Variants in RUSC1 observed in about 807,000 individuals in gnomAD.
RUSC1 encodes AP-4 complex accessory subunit RUSC1.
In RUSC1, 40 loss-of-function variants were observed where a neutral mutation model predicts 72.1. The ratio of observed to expected loss-of-function variants is 0.55; its 90% CI spans 0.43 to 0.72. The LOEUF (loss-of-function observed/expected upper bound fraction) is 0.72, where lower values mean the gene tolerates loss of function less well. Ranked by LOEUF, RUSC1 falls within the 30% of genes least tolerant of loss-of-function variation. RUSC1 has a pLI of 0.00. For missense variants in RUSC1, 1,092 were observed against 1,172.3 expected, an observed-to-expected ratio of 0.93 and a Z score of 1.00; for synonymous variants, 512 against 494.2, an observed-to-expected ratio of 1.04 and a Z score of -0.48.
At chr1:155,328,889 T>C (rs986850361) in intron 9 of RUSC1, among the ~76,000 whole-genome samples, 17 of 152,092 alleles carry the variant, frequency 1.1e-4, no homozygotes, top group Middle Eastern at 6.8e-3. Context: ...TGAGCCACTG[T>C]GCCCAGCCAA....
chr1:155,321,025 T>G, intron 1 of RUSC1, 34 bp downstream of exon 1: 2 of 1,485,044 alleles, frequency 1.3e-6, no homozygotes, highest in Non-Finnish European at 1.8e-6. Context: ...TGTAGACCGA[T>G]GGACCTGGGC....
chr1:155,324,958 C>G lies in RUSC1; in HGVS notation c.1456+15C>G. The stretch of plus-strand genomic sequence containing the variant: ...GCAGAAGAAAGGTAGGGCACCCTGA[C>G]TCCCGACCCCGCGCTTCCGAATAAA... On this transcript the variant is annotated intron_variant, in intron 3 of 9. Coordinates refer to ENST00000368352, the MANE Select transcript of RUSC1 (RefSeq NM_001105203.2). 2.5e-6 allele frequency: 4 copies of G among 1,614,116 alleles called. No homozygotes were observed. Among genetic ancestry groups the G allele is most frequent in the Non-Finnish European group, 3.4e-6 (4 of 1,179,974 alleles).
At position 155,325,520 on chromosome 1, in the gene RUSC1, T is replaced by G. The variant is rs1193338498; in HGVS notation, c.1708+30T>G. 6.2e-7 allele frequency: 1 copy of G among 1,603,658 alleles called. No individual in the cohort carries two copies. Among genetic ancestry groups the G allele is most frequent in the Middle Eastern group, 1.7e-4 (1 of 6,044 alleles). On this transcript the variant is annotated intron_variant, in intron 5 of 9. Transcript: ENST00000368352. This position sits in a 1 kb window ranked among gnomAD's most constrained non-coding sequence, Gnocchi z 6.5. ...GCCAGGAGGGCGTGGGACCCGGCAG[T>G]GCGCAGGGCAGGGCCGGGCTTGGCT...
chr1:155,321,171 G>T (rs1458613243), intron 1 of RUSC1, 180 bp downstream of exon 1: 7 of 1,372,818 alleles, frequency 5.1e-6, no homozygotes, highest in African/African-American at 1.5e-5. Context: ...GCTGGAGCCC[G>T]GCCGAGGCAG....
chr1:155,326,570 T>C lies in RUSC1; in HGVS notation c.1862-10T>C. On this transcript the variant is annotated splice_polypyrimidine_tract_variant and intron_variant, in intron 7 of 9. Transcript: ENST00000368352. This position sits in a 1 kb window ranked among gnomAD's most constrained non-coding sequence, Gnocchi z 4.7. ...AGGGCAGGAGCTGATGTTGGCCTGC[T>C]CTTTTCCAGGCCTGCTCTCCCTCCT... The C allele has an allele frequency of 6.3e-7, 1 of 1,597,566 alleles. No individual in the cohort carries two copies.
rs1375483603 is a variant in RUSC1, at chr1:155,322,024, G to A, written c.251G>A (p.Arg84Gln). ...GAGCACGGTCCGGGCCTAGAAAACC[G>A]GCAGGACCCGTCACAGGAGGAAGAG... Reference protein sequence around the residue: ...CQEHGPGLENRQDPSQEEEGA... With the variant: ...CQEHGPGLENQQDPSQEEEGA... The change falls in exon 2 of 10, where the codon CGG becomes CAG. Residue 84 changes from arginine to glutamine, a missense_variant. Transcript: ENST00000368352. The A allele has an allele frequency of 3.1e-6, 5 of 1,610,290 alleles. No individual in the cohort carries two copies. Among genetic ancestry groups the A allele is most frequent in the South Asian group, 2.2e-5 (2 of 90,604 alleles).
At position 155,321,943 on chromosome 1, in the gene RUSC1, G is replaced by T. The variant is rs757131184; in HGVS notation, c.170G>T (p.Gly57Val). Residue 57 changes from glycine (G) to valine (V), a missense_variant, in exon 2 of 10, where the codon GGC becomes GTC. By Grantham distance (109) the Gly-to-Val change is moderately radical (BLOSUM62 -3). Transcript: ENST00000368352. Reference sequence around the variant, plus strand: ...AAGGAGAGCAGGGGCCCCTGCAGTGGCACCCTGGTGGACGCCAATTCCAAC... The same window carrying T: ...AAGGAGAGCAGGGGCCCCTGCAGTGTCACCCTGGTGGACGCCAATTCCAAC... ...GGKESRGPCS[G>V]TLVDANSNSP... 8.7e-6 allele frequency: 14 copies of T among 1,602,314 alleles called. No homozygotes were observed. The highest frequency in any genetic ancestry group is 1.2e-5 in the Non-Finnish European group (14 of 1,174,408).
At position 155,326,757 on chromosome 1, in the gene RUSC1, C is replaced by T; in HGVS notation, c.2039C>T (p.Ala680Val). 1 of 1,613,068 alleles carries T rather than the reference C, an allele frequency of 6.2e-7. No homozygotes were observed. The highest frequency in any genetic ancestry group is 2.2e-5 in the East Asian group (1 of 44,890). The change falls in exon 8 of 10, where the codon GCC (alanine) becomes GTC (valine). Residue 680 changes from alanine to valine, a missense_variant. By Grantham distance (64) the Ala-to-Val change is moderately conservative. Transcript: ENST00000368352. The surrounding 1 kb of genome is among the most constrained non-coding windows in gnomAD (Gnocchi z 4.7). ...HLPLGPPQAP[A>V]PPGPPPALQQ... The stretch of plus-strand genomic sequence containing the variant: ...CCCCTGGGCCCACCTCAGGCCCCTG[C>T]CCCTCCAGGCCCACCTCCAGCTCTG...
Position 155,325,094 on chromosome 1 carries a change from C to T in RUSC1, c.1457-8C>T, listed in dbSNP as rs371098023. On this transcript the variant is annotated splice_region_variant and splice_polypyrimidine_tract_variant and intron_variant, in intron 3 of 9. Coordinates refer to ENST00000368352, the MANE Select transcript of RUSC1 (RefSeq NM_001105203.2). This position sits in a 1 kb window ranked among gnomAD's most constrained non-coding sequence, Gnocchi z 6.5. Reference sequence around the variant, plus strand: ...CTCCTAGCGTCTTCCCTTTCCCACTCCTCCCAGGTCTTCTGATAGCCGTCA... The same window carrying T: ...CTCCTAGCGTCTTCCCTTTCCCACTTCTCCCAGGTCTTCTGATAGCCGTCA... 7 of 1,614,148 alleles carry T rather than the reference C, an allele frequency of 4.3e-6. No individual in the cohort carries two copies. In the Admixed American group the frequency reaches 6.7e-5, roughly 15 times the overall value.
rs1651232699 is a variant in RUSC1, at chr1:155,325,351, G to A, written c.1569G>A (p.Val523=). ...GTGATAGCCGGCTGAGCCCGGATGT[G>A]GGGCACCTGGTGCTGACCACCCTCT... ...QLGDSRLSPD[V]GHLVLTTLCP... is the part of the protein sequence containing the mutation. The change falls in exon 5 of 10, where the codon GTG becomes GTA. Residue 523 remains valine, a synonymous_variant. Transcript: ENST00000368352. The surrounding 1 kb of genome is among the most constrained non-coding windows in gnomAD (Gnocchi z 6.5). The A allele has an allele frequency of 1.3e-6, 2 of 1,599,020 alleles. No individual in the cohort carries two copies. Among genetic ancestry groups the A allele is most frequent in the Non-Finnish European group, 8.5e-7 (1 of 1,177,148 alleles).
chr1:155,320,979 C>T lies in RUSC1; in HGVS notation c.-99C>T, dbSNP rs934312868. ...GACAAGCCCAAGGCCGGAGCGGTTC[C>T]AGGAGGACCCTGGTGAGGAGGGCTC... On this transcript the variant is annotated 5_prime_UTR_variant, in exon 1 of 10. Transcript: ENST00000368352. 2.0e-6 allele frequency: 3 copies of T among 1,535,834 alleles called. No individual in the cohort carries two copies. The highest frequency in any genetic ancestry group is 3.6e-4 in the Middle Eastern group (2 of 5,604).
At position 155,325,558 on chromosome 1, in the gene RUSC1, C is replaced by T. The variant is rs1216575557; in HGVS notation, c.1709-9C>T. 7.5e-6 allele frequency: 12 copies of T among 1,608,642 alleles called. No individual in the cohort carries two copies. In the South Asian group the frequency reaches 1.1e-4, roughly 15 times the overall value. On this transcript the variant is annotated splice_polypyrimidine_tract_variant and intron_variant, in intron 5 of 9. Transcript: ENST00000368352. This position sits in a 1 kb window ranked among gnomAD's most constrained non-coding sequence, Gnocchi z 6.5. Reference sequence around the variant, plus strand: ...GCCGGGCTTGGCTGACTGCACCCCACGTTCTCAGGCTCCAGCACCCGCTCC... The same window carrying T: ...GCCGGGCTTGGCTGACTGCACCCCATGTTCTCAGGCTCCAGCACCCGCTCC...
chr1:155,324,749 G>A, intron 2 of RUSC1, 96 bp from the exon 3 acceptor site: 1 of 1,601,304 alleles, frequency 6.2e-7, no homozygotes, highest in Non-Finnish European at 8.5e-7. Flanking sequence ...CGGGGACACA[G>A]CACTGCAGAC....
At position 155,322,718 on chromosome 1, in the gene RUSC1, C is replaced by T; in HGVS notation, c.945C>T (p.Ser315=). 3 of 1,614,242 alleles carry T rather than the reference C, an allele frequency of 1.9e-6. No homozygotes were observed. The highest frequency in any genetic ancestry group is 2.5e-6 in the Non-Finnish European group (3 of 1,180,044). The part of the protein sequence containing the change: ...EEPVPHRTIT[S]FHELAQKRKR... ...CGGTGCCCCACCGGACAATCACGTC[C>T]TTCCACGAGCTGGCCCAGAAGCGCA... The change falls in exon 2 of 10, where the codon TCC becomes TCT. Residue 315 remains serine, a synonymous_variant. Coordinates refer to ENST00000368352, the MANE Select transcript of RUSC1 (RefSeq NM_001105203.2).
rs773200028 is a variant in RUSC1, at chr1:155,321,731, A to C, written c.-43A>C. 33 of 1,609,734 alleles carry C rather than the reference A, an allele frequency of 2.1e-5. 1 individual carries two copies. The South Asian group carries it at 3.5e-4, about 17-fold the overall frequency. On this transcript the variant is annotated 5_prime_UTR_variant, in exon 2 of 10. Coordinates refer to ENST00000368352, the MANE Select transcript of RUSC1 (RefSeq NM_001105203.2). ...CAGGTAGGTGGATGTGAGAGACCCTACCCTTCTGGTTCTCTAGAAGCCATC... is the reference window on the plus strand; with the variant it reads ...CAGGTAGGTGGATGTGAGAGACCCTCCCCTTCTGGTTCTCTAGAAGCCATC...
At position 155,321,856 on chromosome 1, in the gene RUSC1, G is replaced by A. The variant is rs1162572957; in HGVS notation, c.83G>A (p.Arg28His). Residue 28 changes from arginine to histidine, a missense_variant, in exon 2 of 10, where the codon CGC (arginine) becomes CAC (histidine). Transcript: ENST00000368352. ...GTCTCCCTGGGCCTGCACTTGTCCCGCCGTCCTGAGCTACAGGAGGGGCCT... is the reference window on the plus strand; with the variant it reads ...GTCTCCCTGGGCCTGCACTTGTCCCACCGTCCTGAGCTACAGGAGGGGCCT... Reference protein sequence around the residue: ...QHVSLGLHLSRRPELQEGPLS... With the variant: ...QHVSLGLHLSHRPELQEGPLS... 1 of 1,613,620 alleles carries A rather than the reference G, an allele frequency of 6.2e-7. No homozygotes were observed. The highest frequency in any genetic ancestry group is 1.7e-5 in the Admixed American group (1 of 60,008).
Position 155,324,950 on chromosome 1 carries a change from C to T in RUSC1, c.1456+7C>T, listed in dbSNP as rs781680156. The T allele has an allele frequency of 3.7e-6, 6 of 1,614,150 alleles. No individual in the cohort carries two copies. Among genetic ancestry groups the T allele is most frequent in the Non-Finnish European group, 4.2e-6 (5 of 1,180,008 alleles). On this transcript the variant is annotated splice_region_variant and intron_variant, in intron 3 of 9. Transcript: ENST00000368352. ...CTGCAGGAGCAGAAGAAAGGTAGGG[C>T]ACCCTGACTCCCGACCCCGCGCTTC...
rs1558002293 is a variant in RUSC1, at chr1:155,330,462, GTGGGGAAGTGC to G, written c.2603_2613del (p.Gly868AlafsTer8). On this transcript the variant is annotated frameshift_variant, in exon 10 of 10. Transcript: ENST00000368352. LOFTEE classifies it high-confidence loss of function. ...AGACCTGACCAGTTGAGCTTCCGGCGTGGGGAAGTGCTGCGTGTCATCACCACAGTGGATGA... is the reference window on the plus strand; with the variant it reads ...AGACCTGACCAGTTGAGCTTCCGGCGTGCGTGTCATCACCACAGTGGATGA... 1 of 1,613,786 alleles carries G rather than the reference GTGGGGAAGTGC, an allele frequency of 6.2e-7. No homozygotes were observed. Among genetic ancestry groups the G allele is most frequent in the Admixed American group, 1.7e-5 (1 of 60,028 alleles).
In RUSC1 at chr1:155,326,928, C is replaced by T; in HGVS notation, c.2210C>T (p.Ser737Phe). 6.2e-7 allele frequency: 1 copy of T among 1,613,856 alleles called. No individual in the cohort carries two copies. The highest frequency in any genetic ancestry group is 8.5e-7 in the Non-Finnish European group (1 of 1,180,052). Residue 737 changes from serine (S) to phenylalanine (F), a missense_variant, in exon 8 of 10, where the codon TCC becomes TTC. Coordinates refer to ENST00000368352, the MANE Select transcript of RUSC1 (RefSeq NM_001105203.2). The surrounding 1 kb of genome is among the most constrained non-coding windows in gnomAD (Gnocchi z 4.7). The part of the protein sequence containing the change: ...GSWWEQLTQA[S>F]RVYASGGTEG... ...TGGTGGGAGCAGTTGACCCAGGCCTCCCGGGTCTATGCCTCTGGGGGCACT... is the reference window on the plus strand; with the variant it reads ...TGGTGGGAGCAGTTGACCCAGGCCTTCCGGGTCTATGCCTCTGGGGGCACT...
Sources: gnomAD v4.1 joint callset for allele counts (sites outside exome capture counted in the v4.1 genomes callset) on GRCh38, gnomAD v4.1.1 for gene constraint, Gnocchi (gnomAD v3.1) non-coding constraint, MANE v1.5 for transcripts, NCBI Gene and HGNC (gene_info 2026-07-23, HGNC 2026-07-21) for gene names.